The following NXPE2 variants were observed in gnomAD, a reference collection of about 807,000 sequenced individuals.
The protein encoded by NXPE2 is NXPE family member 2.
NXPE2 carries 34 observed loss-of-function variants against 34.4 expected under a neutral mutation model. The observed-to-expected ratio is 0.99, with a 90% CI of 0.75 to 1.31. The LOEUF (loss-of-function observed/expected upper bound fraction) is 1.31, where lower values mean the gene tolerates loss of function less well. Ranked by LOEUF, NXPE2 falls within the 40% of genes most tolerant of loss-of-function variation. NXPE2 has a pLI of 0.00. For synonymous variants in NXPE2, 235 were observed against 231.3 expected (o/e 1.02, Z -0.15); for missense variants, 649 against 672.5 (o/e 0.97, Z 0.39).
chr11:114,697,772 T>C (rs950581786), intron 2 of NXPE2, among the ~76,000 whole-genome samples: 6 of 152,310 alleles, frequency 3.9e-5, no homozygotes, highest in East Asian at 1.9e-4. Flanking sequence ...AACTCTAAAA[T>C]TGAATCATGA....
At chr11:114,709,685 C>A (rs1859573112), downstream of NXPE2, among the ~76,000 whole-genome samples, 1 of 152,140 alleles carries the variant, frequency 6.6e-6, no homozygotes, top group African/African-American at 2.4e-5. Context: ...GCGGGCGGAT[C>A]ATGAGGTCAG....
the NXPE2 span, among the ~76,000 whole-genome samples, chr11:114,518,933 C>G: frequency 6.6e-6 from 1 of 152,136 alleles, no homozygotes; most frequent in Non-Finnish European, 1.5e-5. Context: ...AAAGTGACAG[C>G]TTTTTCAACC....
chr11:114,716,740 C>T, the NXPE2 span, among the ~76,000 whole-genome samples: 1 of 152,174 alleles, frequency 6.6e-6, no homozygotes, highest in African/African-American at 2.4e-5. Flanking sequence ...CTGCCCTACT[C>T]AGAAGGCAGT....
At chr11:114,483,412 T>G in the NXPE2 span, among the ~76,000 whole-genome samples, 1 of 152,234 alleles carries the variant, frequency 6.6e-6, no homozygotes, top group Non-Finnish European at 1.5e-5. Flanking sequence ...CAAATTTACG[T>G]AAGTTTTCTA....
chr11:114,796,519 C>CA, the NXPE2 span, among the ~76,000 whole-genome samples: 1,517 of 150,984 alleles, frequency 0.01, 68 homozygotes, highest in East Asian at 0.14. Flanking sequence ...CTCTGAAATT[C>CA]AAAAAAAAAT....
the NXPE2 span, among the ~76,000 whole-genome samples, chr11:114,729,583 A>G: frequency 6.6e-6 from 1 of 151,886 alleles, no homozygotes; most frequent in African/African-American, 2.4e-5. Context: ...TTGCTTTTTG[A>G]CTTTTTAATA....
the NXPE2 span, among the ~76,000 whole-genome samples, chr11:114,733,578 G>A: frequency 3.3e-5 from 5 of 151,950 alleles, no homozygotes; most frequent in African/African-American, 9.7e-5. Flanking sequence ...CTTCTTCTTG[G>A]GTGCCGTAAG....
the NXPE2 span, chr11:114,594,895 A>G: frequency 1.7e-6 from 1 of 578,386 alleles, no homozygotes; most frequent in Non-Finnish European, 3.1e-6. Flanking sequence ...AATAACTCCC[A>G]GAAATAAACC....
chr11:114,581,630 A>T, the NXPE2 span: 1 of 984,154 alleles, frequency 1.0e-6, no homozygotes. Flanking sequence ...CAGAGTGCTG[A>T]TAGGACTGAA....
the NXPE2 span, chr11:114,522,208 G>C: frequency 3.3e-5 from 53 of 1,613,926 alleles, no homozygotes; most frequent in Admixed American, 8.5e-4. Flanking sequence ...TAGTGGCTGG[G>C]CTTCTTAGGA....
chr11:114,607,306 C>G, the NXPE2 span, among the ~76,000 whole-genome samples: 6 of 151,750 alleles, frequency 4.0e-5, no homozygotes, highest in African/African-American at 1.5e-4. Context: ...AGTATTGCCT[C>G]GTGGGTCACC....
the NXPE2 span, chr11:114,530,868 C>T: frequency 1.9e-6 from 3 of 1,613,114 alleles, no homozygotes; most frequent in Non-Finnish European, 2.5e-6. Flanking sequence ...GGAGTTGTTC[C>T]AGTAATGGAC....
chr11:114,813,193 T>G, the NXPE2 span, among the ~76,000 whole-genome samples: 1 of 152,172 alleles, frequency 6.6e-6, no homozygotes, highest in Non-Finnish European at 1.5e-5. Flanking sequence ...GTGGTTATAA[T>G]CAAAAAGGTG....
chr11:114,474,013 T>A, the NXPE2 span, among the ~76,000 whole-genome samples: 400 of 152,244 alleles, frequency 2.6e-3, 3 homozygotes, highest in African/African-American at 9.4e-3. Flanking sequence ...GAGTTAAAGA[T>A]ATATTCAAGG....
chr11:114,639,112 G>C, the NXPE2 span, among the ~76,000 whole-genome samples: 17 of 152,160 alleles, frequency 1.1e-4, no homozygotes, highest in Admixed American at 1.1e-3. Context: ...AGCTGTGGTG[G>C]GCTCCACCCA....
chr11:114,546,245 A>G, the NXPE2 span, among the ~76,000 whole-genome samples: 35,884 of 152,038 alleles, frequency 0.24, 6,130 homozygotes, highest in African/African-American at 0.48. Context: ...ATGCTGGGAG[A>G]TGAACAAATA....
At chr11:114,465,516 CT>C in the NXPE2 span, among the ~76,000 whole-genome samples, 2 of 152,110 alleles carry the variant, frequency 1.3e-5, no homozygotes, top group African/African-American at 2.4e-5. Flanking sequence ...AGGATAGTGG[CT>C]TACCTTCGTG....
chr11:114,640,528 T>G, the NXPE2 span, among the ~76,000 whole-genome samples: 1 of 151,808 alleles, frequency 6.6e-6, no homozygotes, highest in Non-Finnish European at 1.5e-5. Context: ...TTGAGAAACC[T>G]CCATACTATT....
At chr11:114,532,323 A>G in the NXPE2 span, among the ~76,000 whole-genome samples, 4 of 152,250 alleles carry the variant, frequency 2.6e-5, no homozygotes, top group Admixed American at 1.3e-4. Flanking sequence ...TAGAGATGCA[A>G]ATAAATGAAA....
Sources: allele counts gnomAD v4.1 joint callset (sites outside exome capture counted in the v4.1 genomes callset), GRCh38; gene constraint gnomAD v4.1.1; transcripts MANE v1.5; gene names NCBI Gene and HGNC (gene_info 2026-07-23, HGNC 2026-07-21).